LRRTM4: variants seen among roughly 807,000 people sequenced by gnomAD.
LRRTM4 encodes leucine rich repeat transmembrane neuronal 4.
A neutral mutation model predicts 47.6 loss-of-function variants in LRRTM4; 25 were observed. The observed-to-expected ratio is 0.53, with a 90% CI of 0.38 to 0.73. The LOEUF (loss-of-function observed/expected upper bound fraction) is 0.73, where lower values mean the gene tolerates loss of function less well. LRRTM4 is among the 30% of genes least tolerant of loss of function. The probability of loss-of-function intolerance (pLI) is 0.00; values close to 1 mark genes in which losing one functional copy is unlikely to be tolerated. For synonymous variants in LRRTM4, 311 were observed against 269.5 expected, an observed-to-expected ratio of 1.15 and a Z score of -1.51; for missense variants, 638 against 713.4, an observed-to-expected ratio of 0.89 and a Z score of 1.20.
intron 3 of LRRTM4, among the ~76,000 whole-genome samples, chr2:77,204,955 A>G (rs1271519738): frequency 1.3e-5 from 2 of 152,226 alleles, no homozygotes; most frequent in African/African-American, 4.8e-5. Flanking sequence ...ACTATGATCT[A>G]ATGTGGAAGT....
At chr2:77,176,028 T>A (rs2103845747) in intron 3 of LRRTM4, among the ~76,000 whole-genome samples, 1 of 151,826 alleles carries the variant, frequency 6.6e-6, no homozygotes, top group African/African-American at 2.4e-5. Context: ...TGTGAACAAG[T>A]TTCTATTTGG....
At chr2:76,960,058 A>G (rs17013452) in intron 3 of LRRTM4, among the ~76,000 whole-genome samples, 7,979 of 151,618 alleles carry the variant, frequency 0.053, 477 homozygotes, top group East Asian at 0.14. Flanking sequence ...TACCAAACTT[A>G]GGGAAGAATG....
chr2:77,498,268 G>A (rs1051049145), intron 3 of LRRTM4, among the ~76,000 whole-genome samples: 32 of 151,736 alleles, frequency 2.1e-4, no homozygotes, highest in African/African-American at 6.8e-4. Flanking sequence ...TCTACCATCC[G>A]TGAAAATTGC....
chr2:76,849,419 A>G (rs1444642445), intron 3 of LRRTM4, among the ~76,000 whole-genome samples: 8 of 152,140 alleles, frequency 5.3e-5, no homozygotes, highest in Admixed American at 5.2e-4. Flanking sequence ...GAAAATACAG[A>G]GCTGGAATAT....
chr2:77,222,875 G>T (rs1674681152), intron 3 of LRRTM4, among the ~76,000 whole-genome samples: 1 of 152,148 alleles, frequency 6.6e-6, no homozygotes, highest in East Asian at 1.9e-4. Flanking sequence ...GCATCATCCT[G>T]ATACCAAAGC....
chr2:77,121,072 A>T (rs1671509404), intron 3 of LRRTM4, among the ~76,000 whole-genome samples: 1 of 151,774 alleles, frequency 6.6e-6, no homozygotes, highest in Non-Finnish European at 1.5e-5. Flanking sequence ...TAAGACAAGA[A>T]ATGGAGTTTT....
At chr2:77,166,983 A>G (rs976058709) in intron 3 of LRRTM4, among the ~76,000 whole-genome samples, 9 of 152,076 alleles carry the variant, frequency 5.9e-5, no homozygotes, top group Non-Finnish European at 8.8e-5. Flanking sequence ...AAGAGCTTCT[A>G]CACAGCAAAG....
chr2:76,933,598 TATC>T (rs1674845720), intron 3 of LRRTM4, among the ~76,000 whole-genome samples: 1 of 152,138 alleles, frequency 6.6e-6, no homozygotes, highest in Admixed American at 6.5e-5. Flanking sequence ...GCATTTAGAT[TATC>T]ATGTTTTGAA....
At chr2:77,189,018 A>G (rs1327224565) in intron 3 of LRRTM4, among the ~76,000 whole-genome samples, 1 of 152,180 alleles carries the variant, frequency 6.6e-6, no homozygotes, top group Non-Finnish European at 1.5e-5. Context: ...AATTTTAAAC[A>G]GCTAATAAGT....
At chr2:77,183,163 GA>G (rs1165126125) in intron 3 of LRRTM4, among the ~76,000 whole-genome samples, 3 of 152,080 alleles carry the variant, frequency 2.0e-5, no homozygotes, top group Admixed American at 1.3e-4. Context: ...CAGAATGGGA[GA>G]AAATTTTTGC....
chr2:76,910,482 AACTT>A (rs1211680091), intron 3 of LRRTM4, among the ~76,000 whole-genome samples: 1 of 152,148 alleles, frequency 6.6e-6, no homozygotes, highest in Admixed American at 6.5e-5. Context: ...TGTACCCTAA[AACTT>A]AAAGTATAAT....
At chr2:76,881,242 C>T (rs893591747) in intron 3 of LRRTM4, among the ~76,000 whole-genome samples, 2 of 152,254 alleles carry the variant, frequency 1.3e-5, no homozygotes, top group East Asian at 3.9e-4. Flanking sequence ...AGCTCAAACA[C>T]AGAATTCTGT....
rs573802747 is a variant in LRRTM4, at chr2:76,785,243, TGTATTGA to T, written c.1552-36334_1552-36328del. ...ACTTTAATAACTGATTTGCAGTACT[TGTATTGA>T]GAAAATAATTTTCTCAAATGTGGGA... On this transcript the variant is annotated intron_variant, in intron 3 of 3. Transcript: ENST00000409884. Among the ~76,000 whole-genome samples the T allele has an allele frequency of 1.5e-3, 222 of 152,262 alleles. 1 individual carries two copies. Among genetic ancestry groups the T allele is most frequent in the Non-Finnish European group, 2.7e-3 (183 of 67,984 alleles).
chr2:77,262,505 A>T (rs967782448), intron 3 of LRRTM4, among the ~76,000 whole-genome samples: 1 of 148,638 alleles, frequency 6.7e-6, no homozygotes, highest in Non-Finnish European at 1.5e-5. Flanking sequence ...TTTTTACCTA[A>T]TTTTTTTTTT....
chr2:77,482,230 G>A (rs1352520498), intron 3 of LRRTM4, among the ~76,000 whole-genome samples: 1 of 152,028 alleles, frequency 6.6e-6, no homozygotes, highest in Non-Finnish European at 1.5e-5. Context: ...ATATGATTTT[G>A]CCAATCTTTA....
chr2:77,023,771 C>A (rs542728682), intron 3 of LRRTM4, among the ~76,000 whole-genome samples: 1 of 152,320 alleles, frequency 6.6e-6, no homozygotes, highest in South Asian at 2.1e-4. Flanking sequence ...GAGTTGCAAA[C>A]TTTCCCACAT....
intron 3 of LRRTM4, among the ~76,000 whole-genome samples, chr2:77,151,920 CA>C (rs1043380673): frequency 6.8e-4 from 103 of 152,242 alleles, no homozygotes; most frequent in African/African-American, 2.5e-3. Context: ...AAGAAATTTA[CA>C]GCATAATGTC....
At chr2:77,108,646 G>T (rs1030875041) in intron 3 of LRRTM4, among the ~76,000 whole-genome samples, 3 of 150,266 alleles carry the variant, frequency 2.0e-5, no homozygotes, top group Non-Finnish European at 4.4e-5. Flanking sequence ...TGCAGTGGCG[G>T]GATCTGGGCT....
At chr2:77,011,023 C>T (rs568673024) in intron 3 of LRRTM4, among the ~76,000 whole-genome samples, 34 of 152,126 alleles carry the variant, frequency 2.2e-4, no homozygotes, top group African/African-American at 7.5e-4. Flanking sequence ...AAGGTAATGA[C>T]CAATTTTTGA....
Sources: gnomAD v4.1 joint callset for allele counts (sites outside exome capture counted in the v4.1 genomes callset) on GRCh38, gnomAD v4.1.1 for gene constraint, MANE v1.5 for transcripts, NCBI Gene and HGNC (gene_info 2026-07-23, HGNC 2026-07-21) for gene names.